Variants in ROR1 observed in about 807,000 individuals in gnomAD.
ROR1 encodes inactive tyrosine-protein kinase transmembrane receptor ROR1.
ROR1 carries 19 observed loss-of-function variants against 78.8 expected under a neutral mutation model. The observed-to-expected ratio is 0.24, with a 90% CI of 0.17 to 0.35. ROR1 has a LOEUF of 0.35. Ranked by LOEUF, ROR1 falls within the 10% of genes least tolerant of loss-of-function variation. The probability of loss-of-function intolerance (pLI) is 1.00; values close to 1 mark genes in which losing one functional copy is unlikely to be tolerated. For missense variants in ROR1, 917 were observed against 1,177.8 expected, an observed-to-expected ratio of 0.78 and a Z score of 3.24; for synonymous variants, 386 against 433.6, an observed-to-expected ratio of 0.89 and a Z score of 1.36.
At chr1:64,168,981 A>G (rs960942574) in intron 8 of ROR1, among the ~76,000 whole-genome samples, 1 of 152,192 alleles carries the variant, frequency 6.6e-6, no homozygotes, top group Non-Finnish European at 1.5e-5. Flanking sequence ...CCACATAGGA[A>G]CTCTTGAGGT....
intron 7 of ROR1, among the ~76,000 whole-genome samples, chr1:64,156,699 C>G (rs1649782044): frequency 1.1e-5 from 1 of 87,650 alleles, no homozygotes; most frequent in South Asian, 5.0e-4. Context: ...GAGCGAGACT[C>G]CGTCTCAAAA....
At chr1:63,878,494 A>AT (rs11321676) in intron 1 of ROR1, among the ~76,000 whole-genome samples, 3 of 149,614 alleles carry the variant, frequency 2.0e-5, no homozygotes, top group South Asian at 2.1e-4. Flanking sequence ...AGCTGGAGTG[A>AT]TTTTTTTTTT....
intron 1 of ROR1, among the ~76,000 whole-genome samples, chr1:63,818,722 T>C (rs1644907327): frequency 6.6e-6 from 1 of 152,228 alleles, no homozygotes; most frequent in Non-Finnish European, 1.5e-5. Context: ...ATAATTATAA[T>C]GAGGCTGATG....
intron 1 of ROR1, among the ~76,000 whole-genome samples, chr1:63,804,360 T>C (rs1644815667): frequency 6.6e-6 from 1 of 152,206 alleles, no homozygotes; most frequent in African/African-American, 2.4e-5. Flanking sequence ...TTTTCTATTG[T>C]ATTAGTGTTA....
intron 1 of ROR1, among the ~76,000 whole-genome samples, chr1:63,800,043 T>G (rs759377175): frequency 3.9e-5 from 6 of 152,222 alleles, no homozygotes; most frequent in Non-Finnish European, 8.8e-5. Flanking sequence ...GGCAGGCTTG[T>G]GAATATTTTC....
intron 2 of ROR1, among the ~76,000 whole-genome samples, chr1:64,030,330 T>C (rs897106179): frequency 1.3e-5 from 2 of 152,164 alleles, no homozygotes. Flanking sequence ...AGGTAAAAGT[T>C]ACAAAGAAGC....
rs531533746 is a variant in ROR1 at position 63,850,947 on chromosome 1, G to C, written c.91+76439G>C. Among the ~76,000 whole-genome samples, 4 of 152,174 alleles carry C rather than the reference G, an allele frequency of 2.6e-5. No individual in the cohort carries two copies. The South Asian group carries it at 8.3e-4, about 32-fold the overall frequency. ...TCTATATCAGCAGAGATTGCTGCCT[G>C]TGTGGTTTTTTGGTTTTTTGTTTTG... On this transcript the variant is annotated intron_variant, in intron 1 of 8. Coordinates refer to ENST00000371079, the MANE Select transcript of ROR1 (RefSeq NM_005012.4).
chr1:63,791,748 G>A (rs906581906), intron 1 of ROR1, among the ~76,000 whole-genome samples: 34 of 152,050 alleles, frequency 2.2e-4, no homozygotes, highest in African/African-American at 7.7e-4. Flanking sequence ...CTCTATAATG[G>A]GAATTATAAT....
intron 1 of ROR1, among the ~76,000 whole-genome samples, chr1:63,945,768 A>C (rs1412765509): frequency 6.6e-6 from 1 of 152,214 alleles, no homozygotes; most frequent in East Asian, 1.9e-4. Context: ...CTCACATGAG[A>C]TTTGTTAAAC....
intron 8 of ROR1, among the ~76,000 whole-genome samples, chr1:64,165,095 GT>G (rs1262100563): frequency 6.6e-5 from 10 of 152,174 alleles, no homozygotes; most frequent in Admixed American, 5.9e-4. Context: ...AATAAAATCA[GT>G]TATATTCCTT....
intron 1 of ROR1, among the ~76,000 whole-genome samples, chr1:63,813,527 C>T (rs1644872874): frequency 6.6e-6 from 1 of 152,222 alleles, no homozygotes; most frequent in Non-Finnish European, 1.5e-5. Context: ...TGGTACCCTG[C>T]CCACTTCTTT....
chr1:64,158,210 G>A (rs548830396), intron 7 of ROR1, among the ~76,000 whole-genome samples: 2 of 152,182 alleles, frequency 1.3e-5, no homozygotes, highest in Non-Finnish European at 2.9e-5. Flanking sequence ...ACTTCAAAGT[G>A]TTAGCACTCA....
chr1:64,028,423 A>G (rs560342210), intron 2 of ROR1, among the ~76,000 whole-genome samples: 35 of 152,284 alleles, frequency 2.3e-4, no homozygotes, highest in Admixed American at 3.3e-4. Context: ...CGTTTGCTAA[A>G]TAGGAAGCAG....
intron 1 of ROR1, among the ~76,000 whole-genome samples, chr1:63,946,970 A>G (rs1274537446): frequency 6.6e-6 from 1 of 152,178 alleles, no homozygotes; most frequent in Non-Finnish European, 1.5e-5. Context: ...TGAAGCTACC[A>G]TGATTCACCA....
intron 8 of ROR1, among the ~76,000 whole-genome samples, chr1:64,165,984 G>A (rs1048897683): frequency 6.6e-6 from 1 of 152,098 alleles, no homozygotes; most frequent in Non-Finnish European, 1.5e-5. Flanking sequence ...GGGATTACAG[G>A]CATGAGCCAC....
chr1:63,900,093 A>G (rs1014323968), intron 1 of ROR1, among the ~76,000 whole-genome samples: 2 of 152,122 alleles, frequency 1.3e-5, no homozygotes. Flanking sequence ...ACTAATTTTC[A>G]TGCTTACCAC....
At chr1:63,820,080 C>G (rs1644914961) in intron 1 of ROR1, among the ~76,000 whole-genome samples, 1 of 152,084 alleles carries the variant, frequency 6.6e-6, no homozygotes, top group South Asian at 2.1e-4. Flanking sequence ...ACTTTTTGAG[C>G]CAAAAGTTCC....
intron 1 of ROR1, among the ~76,000 whole-genome samples, chr1:63,852,391 A>G (rs960411998): frequency 6.6e-6 from 1 of 152,220 alleles, no homozygotes; most frequent in Non-Finnish European, 1.5e-5. Flanking sequence ...ACCCAGCCTT[A>G]GAAGTCTGCT....
At chr1:63,910,241 G>A (rs1035520099) in intron 1 of ROR1, among the ~76,000 whole-genome samples, 1 of 152,152 alleles carries the variant, frequency 6.6e-6, no homozygotes, top group African/African-American at 2.4e-5. Context: ...ATTATGGTGA[G>A]TTGCACAAGA....
Sources: allele counts gnomAD v4.1 joint callset (sites outside exome capture counted in the v4.1 genomes callset), GRCh38; gene constraint gnomAD v4.1.1; transcripts MANE v1.5; gene names NCBI Gene and HGNC (gene_info 2026-07-23, HGNC 2026-07-21).